The following LOXL2 variants were observed in gnomAD, a reference collection of about 807,000 sequenced individuals.
LOXL2 encodes lysyl oxidase homolog 2.
LOXL2 carries 70 observed loss-of-function variants against 93.0 expected under a neutral mutation model. The ratio of observed to expected loss-of-function variants is 0.75; its 90% CI spans 0.62 to 0.92. The LOEUF is 0.92. LOXL2 is among the 40% of genes least tolerant of loss of function. LOXL2 has a pLI of 0.00. For synonymous variants in LOXL2, 438 were observed against 413.2 expected (o/e 1.06, Z -0.73); for missense variants, 973 against 1,054.9 (o/e 0.92, Z 1.08).
intron 9 of LOXL2, among the ~76,000 whole-genome samples, chr8:23,310,223 C>CAGGGGGTGCTTATGTGAGTGA (rs1255046446): frequency 6.6e-6 from 1 of 152,218 alleles, no homozygotes; most frequent in African/African-American, 2.4e-5. Context: ...CTCATAAGCA[C>CAGGGGGTGCTTATGTGAGTGA]TGAATGTGAG....
In LOXL2 at chr8:23,298,109, G is replaced by A. The variant is rs750626672; in HGVS notation, c.2259C>T (p.Ser753=). Residue 753 remains serine, a synonymous_variant, in exon 14 of 14, where the codon AGC becomes AGT. Coordinates refer to ENST00000389131, the MANE Select transcript of LOXL2 (RefSeq NM_002318.3). ...MYNCHIGGSF[S]EETEKKFEHF... is the part of the protein sequence containing the mutation. ...GCTCAAACTTTTTTTCCGTCTCTTC[G>A]CTGAAGGAACCACCTGAAGAGCGAG... 28 of 1,613,326 alleles carry A rather than the reference G, an allele frequency of 1.7e-5. No homozygotes were observed. Among genetic ancestry groups the A allele is most frequent in the South Asian group, 3.3e-5 (3 of 91,024 alleles).
chr8:23,333,303 C>T (rs1803734950), intron 5 of LOXL2, 98 bp downstream of exon 5: 1 of 1,156,094 alleles, frequency 8.6e-7, no homozygotes, highest in South Asian at 1.3e-5. Context: ...CCGCTGAGGC[C>T]ACCCTTCCTC....
rs545636997 is a variant in LOXL2, at chr8:23,393,811, C to T, written c.-84+10143G>A. 2.9e-4 allele frequency among the ~76,000 whole-genome samples: 44 copies of T among 152,300 alleles called. No individual in the cohort carries two copies. The South Asian group carries it at 8.7e-3, about 30-fold the overall frequency. On this transcript the variant is annotated intron_variant, in intron 1 of 13. Transcript: ENST00000389131. The stretch of plus-strand genomic sequence containing the variant: ...AAAAGGGTGATGACCAAATATTTAT[C>T]GCACTTATTCTACTGTTTTGTCATT...
Position 23,368,362 on chromosome 8 carries a change from G to A in LOXL2, c.-11C>T, listed in dbSNP as rs368469262. The A allele has an allele frequency of 3.2e-4, 509 of 1,607,666 alleles. No homozygotes were observed. The highest frequency in any genetic ancestry group is 4.2e-4 in the Admixed American group (25 of 60,010). On this transcript the variant is annotated 5_prime_UTR_variant, in exon 2 of 14. Transcript: ENST00000389131. ...CAGAGGCCTCTCCATCCCTGTCTTC[G>A]GGCTGATGATCCCACGAAGGGGCCC... is the stretch of plus-strand genomic sequence containing the variant.
At chr8:23,395,116 T>C (rs1176905569) in intron 1 of LOXL2, among the ~76,000 whole-genome samples, 1 of 152,098 alleles carries the variant, frequency 6.6e-6, no homozygotes, top group African/African-American at 2.4e-5. Flanking sequence ...TAGCTGGGTA[T>C]TGTGGCGCAC....
chr8:23,336,503 G>A (rs1000009643), intron 4 of LOXL2: 7 of 152,592 alleles, frequency 4.6e-5, no homozygotes, highest in Non-Finnish European at 8.8e-5. Flanking sequence ...GCCTTGAGTG[G>A]AGTGGAGCGG....
intron 10 of LOXL2, among the ~76,000 whole-genome samples, chr8:23,307,761 C>T (rs145361306): frequency 7.9e-5 from 12 of 152,280 alleles, no homozygotes; most frequent in African/African-American, 2.9e-4. Context: ...TACTGACTTA[C>T]AACCTGAAGA....
rs749318141 is a variant in LOXL2 at position 23,368,256 on chromosome 8, A to G, written c.96T>C (p.His32=). Residue 32 remains histidine (H), a synonymous_variant, in exon 2 of 14, where the codon CAT becomes CAC. Transcript: ENST00000389131. ...CCGGTTGCTGGAAGTACTCGGGGTA[A>G]TGGGGCCAGCTGTCATACTGTGCCA... ...LSLAQYDSWP[H]YPEYFQQPAP... The G allele has an allele frequency of 1.1e-5, 18 of 1,613,896 alleles. No individual in the cohort carries two copies. Among genetic ancestry groups the G allele is most frequent in the Non-Finnish European group, 1.5e-5 (18 of 1,180,018 alleles).
At chr8:23,323,348 C>T (rs1803527519) in intron 6 of LOXL2, among the ~76,000 whole-genome samples, 1 of 152,196 alleles carries the variant, frequency 6.6e-6, no homozygotes. Flanking sequence ...TGGGAAACAG[C>T]TGGGCTGATC....
chr8:23,305,341 G>A (rs1457542799), intron 10 of LOXL2, among the ~76,000 whole-genome samples: 1 of 152,184 alleles, frequency 6.6e-6, no homozygotes, highest in Non-Finnish European at 1.5e-5. Context: ...CTCAGCTTCA[G>A]TTTTTCCCCT....
chr8:23,298,070 G>C lies in LOXL2; in HGVS notation c.2298C>G (p.Leu766=), dbSNP rs773903446. ...ACTGCGGGGACAGCTGGTTGTTTAA[G>C]AGCCCGCTGAAGTGCTCAAACTTTT... The part of the protein sequence containing the change: ...TEKKFEHFSG[L]LNNQLSPQ Residue 766 remains leucine, a synonymous_variant, in exon 14 of 14, where the codon CTC becomes CTG. Coordinates refer to ENST00000389131, the MANE Select transcript of LOXL2 (RefSeq NM_002318.3). 6.2e-7 allele frequency: 1 copy of C among 1,613,918 alleles called. No individual in the cohort carries two copies. The highest frequency in any genetic ancestry group is 8.5e-7 in the Non-Finnish European group (1 of 1,180,006).
At chr8:23,350,415 C>A (rs1474811106) in intron 3 of LOXL2, among the ~76,000 whole-genome samples, 1 of 151,996 alleles carries the variant, frequency 6.6e-6, no homozygotes, top group Non-Finnish European at 1.5e-5. Flanking sequence ...ACTAAAAATA[C>A]AAAAATTAGC....
intron 1 of LOXL2, among the ~76,000 whole-genome samples, chr8:23,400,475 C>T (rs182371562): frequency 1.3e-5 from 2 of 152,292 alleles, no homozygotes; most frequent in Admixed American, 6.5e-5. Context: ...GTCTTTCCTA[C>T]AACACATGGG....
At chr8:23,329,540 G>C (rs111555723) in intron 5 of LOXL2, among the ~76,000 whole-genome samples, 1 of 149,992 alleles carries the variant, frequency 6.7e-6, no homozygotes, top group Non-Finnish European at 1.5e-5. Context: ...TGCATGTGTG[G>C]CACGTGTGTG....
chr8:23,377,084 T>C (rs1183222727), intron 1 of LOXL2, among the ~76,000 whole-genome samples: 5 of 152,222 alleles, frequency 3.3e-5, no homozygotes, highest in Non-Finnish European at 5.9e-5. Flanking sequence ...TTTAGTGCTA[T>C]AAATTTCCCT....
At chr8:23,370,751 G>A (rs1335297233) in intron 1 of LOXL2, 2 of 152,218 alleles carry the variant, frequency 1.3e-5, no homozygotes. Context: ...GGGGAGACCG[G>A]GAGTTCAGAA....
At chr8:23,374,673 T>C (rs551830585) in intron 1 of LOXL2, among the ~76,000 whole-genome samples, 2 of 152,348 alleles carry the variant, frequency 1.3e-5, no homozygotes, top group Admixed American at 6.5e-5. Context: ...CTCATTGTGG[T>C]TTTGATTTGC....
At chr8:23,390,865 A>G (rs1391501322) in intron 1 of LOXL2, among the ~76,000 whole-genome samples, 3 of 152,192 alleles carry the variant, frequency 2.0e-5, no homozygotes, top group Non-Finnish European at 4.4e-5. Flanking sequence ...AGATGGGGTA[A>G]TTTATAAAGA....
chr8:23,351,688 C>T (rs1435578216), intron 3 of LOXL2, among the ~76,000 whole-genome samples: 1 of 152,200 alleles, frequency 6.6e-6, no homozygotes, highest in Non-Finnish European at 1.5e-5. Context: ...ATCTGTTATC[C>T]ACATACACAC....
Sources: gnomAD v4.1 joint callset for allele counts (sites outside exome capture counted in the v4.1 genomes callset) on GRCh38, gnomAD v4.1.1 for gene constraint, MANE v1.5 for transcripts, NCBI Gene and HGNC (gene_info 2026-07-23, HGNC 2026-07-21) for gene names.